Variants in TFAM observed in about 807,000 individuals in gnomAD.
TFAM encodes transcription factor A, mitochondrial.
A neutral mutation model predicts 30.6 loss-of-function variants in TFAM; 13 were observed. That is an observed-to-expected ratio of 0.42 (90% CI 0.28 to 0.67). The LOEUF (loss-of-function observed/expected upper bound fraction) is 0.67. Among genes scored for constraint, TFAM ranks in the 30% least tolerant of loss-of-function variants. The pLI, the probability that TFAM is intolerant of heterozygous loss-of-function variation, is 0.21. For synonymous variants in TFAM, 106 were observed against 94.8 expected, an observed-to-expected ratio of 1.12 and a Z score of -0.69; for missense variants, 231 against 293.7, an observed-to-expected ratio of 0.79 and a Z score of 1.56.
At position 58,390,763 on chromosome 10, in the gene TFAM, A is replaced by G; in HGVS notation, c.442-2A>G. The G allele has an allele frequency of 6.2e-7, 1 of 1,611,324 alleles. No individual in the cohort carries two copies. The highest frequency in any genetic ancestry group is 8.5e-7 in the Non-Finnish European group (1 of 1,179,098). ...TTTGACCCTCCAATTTTTTTAATTCAGGAGTTAACACTGCTTGGAAAACCA... is the reference window on the plus strand; with the variant it reads ...TTTGACCCTCCAATTTTTTTAATTCGGGAGTTAACACTGCTTGGAAAACCA... On this transcript the variant is annotated splice_acceptor_variant, in intron 4 of 6. Coordinates refer to ENST00000487519, the MANE Select transcript of TFAM (RefSeq NM_003201.3). LOFTEE classifies it high-confidence loss of function.
intron 1 of TFAM, 92 bp downstream of exon 1, chr10:58,385,740 T>A: frequency 9.8e-7 from 1 of 1,018,554 alleles, no homozygotes; most frequent in Admixed American, 2.0e-5. Flanking sequence ...CTGCCCCTCC[T>A]AGGAGTTCAG....
At chr10:58,394,902 A>G in intron 6 of TFAM, 26 bp from the exon 7 acceptor site, 1 of 1,599,874 alleles carries the variant, frequency 6.3e-7, no homozygotes. Context: ...TAAGTAAATC[A>G]TTTTAACAGT....
chr10:58,391,800 G>C (rs1840603536), intron 5 of TFAM, among the ~76,000 whole-genome samples: 1 of 151,446 alleles, frequency 6.6e-6, no homozygotes, highest in Non-Finnish European at 1.5e-5. Context: ...AGTTACTTTT[G>C]CACCAACCTA....
chr10:58,388,634 A>G (rs373282082), intron 3 of TFAM, 36 bp from the exon 4 acceptor site: 9 of 1,611,176 alleles, frequency 5.6e-6, no homozygotes, highest in Non-Finnish European at 7.6e-6. Context: ...TTTGCCAGCA[A>G]TGGTTTGTTG....
rs1464167202 is a variant in TFAM at position 58,385,461 on chromosome 10, C to T, written c.-87C>T. 3 of 1,004,586 alleles carry T rather than the reference C, an allele frequency of 3.0e-6. No homozygotes were observed. The highest frequency in any genetic ancestry group is 4.6e-6 in the Non-Finnish European group (3 of 653,046). 62.2% of individuals were successfully genotyped at this position (1,004,586 alleles called of 1,614,324 possible). A position where few individuals can be genotyped will look rare whatever the true frequency, so the allele number is the denominator to read the frequency against. On this transcript the variant is annotated 5_prime_UTR_variant, in exon 1 of 7. Transcript: ENST00000487519. ...ATAACACACGCCGGAGGGTCGCACG[C>T]GGGTTCCAGTTGTGATTGCTGGAGT...
chr10:58,392,545 A>C (rs573522405), intron 5 of TFAM, among the ~76,000 whole-genome samples: 5 of 151,538 alleles, frequency 3.3e-5, no homozygotes, highest in African/African-American at 1.2e-4. Context: ...TGCTGGATAC[A>C]TTTTAACTTA....
At chr10:58,388,555 C>T in intron 3 of TFAM, 115 bp from the exon 4 acceptor site, 11 of 1,133,810 alleles carry the variant, frequency 9.7e-6, no homozygotes, top group Non-Finnish European at 1.5e-5. Flanking sequence ...AGCACATTTT[C>T]CACCTGGTGA....
In TFAM at chr10:58,397,477, A is replaced by C. The variant is rs1358585477; in HGVS notation, c.*2403A>C. ...AAAAGAGCAAAACTATTTTATGGTA[A>C]TTTTATGGTAGTATCAGCTTGTATT... is the stretch of plus-strand genomic sequence containing the variant. On this transcript the variant is annotated 3_prime_UTR_variant, in exon 7 of 7. Transcript: ENST00000487519. The C allele has an allele frequency of 6.6e-6, 1 of 152,130 alleles. No individual in the cohort carries two copies. The highest frequency in any genetic ancestry group is 6.5e-5 in the Admixed American group (1 of 15,274). The allele number at this position is 152,130 out of a possible 1,614,324, so 9.4% of individuals were successfully genotyped here.
At chr10:58,393,719 C>G (rs1229488884) in intron 5 of TFAM, among the ~76,000 whole-genome samples, 2 of 151,946 alleles carry the variant, frequency 1.3e-5, no homozygotes, top group African/African-American at 4.8e-5. Context: ...AAGACCCCAT[C>G]TTTACAAAAA....
chr10:58,394,162 CAA>C (rs1297616314), intron 5 of TFAM, among the ~76,000 whole-genome samples, 194 bp from the exon 6 acceptor site: 2 of 152,096 alleles, frequency 1.3e-5, no homozygotes, highest in African/African-American at 4.8e-5. Flanking sequence ...ATTTCCGAAT[CAA>C]AAATATGTAC....
At chr10:58,390,932 A>G (rs1255513812) in intron 5 of TFAM, 72 bp downstream of exon 5, 2 of 1,329,518 alleles carry the variant, frequency 1.5e-6, no homozygotes, top group Non-Finnish European at 2.1e-6. Flanking sequence ...GCCATGTGTC[A>G]GGTAGTGAAG....
rs1840713727 is a variant in TFAM, at chr10:58,397,786, T to C, written c.*2712T>C. On this transcript the variant is annotated 3_prime_UTR_variant, in exon 7 of 7. Coordinates refer to ENST00000487519, the MANE Select transcript of TFAM (RefSeq NM_003201.3). ...GTGTGTGTGTGTGCACGTGTGTGTG[T>C]TAGAGTCTCATTATATTGCTCAGGC... The C allele has an allele frequency of 6.6e-6, 1 of 152,084 alleles. No individual in the cohort carries two copies. The highest frequency in any genetic ancestry group is 6.6e-5 in the Admixed American group (1 of 15,246). The allele number at this position is 152,084 out of a possible 1,614,324, so 9.4% of individuals were successfully genotyped here.
chr10:58,386,568 G>A (rs1840494961), intron 2 of TFAM: 3 of 844,268 alleles, frequency 3.6e-6, no homozygotes, highest in Non-Finnish European at 5.0e-6. Context: ...AAGCACCCTA[G>A]GAAGAGGATA....
chr10:58,388,249 T>A lies in TFAM; in HGVS notation c.280T>A (p.Ser94Thr). The A allele has an allele frequency of 6.2e-7, 1 of 1,613,918 alleles. No individual in the cohort carries two copies. Among genetic ancestry groups the A allele is most frequent in the African/African-American group, 1.3e-5 (1 of 75,032 alleles). ...IAQRWRELPD[S>T]KKKIYQDAYR... Reference sequence around the variant, plus strand: ...CCAGCGTTGGAGGGAACTTCCTGATTCAAAGAAAAAAGTAAGCACATAAGT... The same window carrying A: ...CCAGCGTTGGAGGGAACTTCCTGATACAAAGAAAAAAGTAAGCACATAAGT... The change falls in exon 3 of 7, where the codon TCA (serine) becomes ACA (threonine). Residue 94 changes from serine (S) to threonine (T), a missense_variant. Transcript: ENST00000487519.
At chr10:58,394,179 A>C (rs1403603522) in intron 5 of TFAM, among the ~76,000 whole-genome samples, 179 bp from the exon 6 acceptor site, 1 of 152,226 alleles carries the variant, frequency 6.6e-6, no homozygotes, top group Non-Finnish European at 1.5e-5. Context: ...ATGTACCTTC[A>C]TTCAGTTCAT....
In TFAM at chr10:58,395,465, G is replaced by A. The variant is rs886322852; in HGVS notation, c.*391G>A. 3 of 293,578 alleles carry A rather than the reference G, an allele frequency of 1.0e-5. No homozygotes were observed. Among genetic ancestry groups the A allele is most frequent in the East Asian group, 7.9e-5 (1 of 12,718 alleles). The allele number at this position is 293,578 out of a possible 1,614,324, so 18.2% of individuals were successfully genotyped here. ...AATTGTTACAAATTGTAGAAGCCAC[G>A]GTGTTCTGTGATATAAGTGTGTGTT... On this transcript the variant is annotated 3_prime_UTR_variant, in exon 7 of 7. Coordinates refer to ENST00000487519, the MANE Select transcript of TFAM (RefSeq NM_003201.3).
intron 5 of TFAM, 134 bp from the exon 6 acceptor site, chr10:58,394,224 T>C: frequency 4.2e-6 from 3 of 716,586 alleles, no homozygotes; most frequent in South Asian, 3.1e-5. Flanking sequence ...AGTTTTTGTT[T>C]AGAGAGAAAA....
chr10:58,387,026 G>A (rs947027959), intron 2 of TFAM, among the ~76,000 whole-genome samples: 4 of 152,152 alleles, frequency 2.6e-5, no homozygotes, highest in Non-Finnish European at 5.9e-5. Context: ...CACTTCGGGA[G>A]GTCGAGATGG....
rs1840659333 is a variant in TFAM at position 58,395,096 on chromosome 10, T to G, written c.*22T>G. The G allele has an allele frequency of 6.2e-7, 1 of 1,612,036 alleles. No individual in the cohort carries two copies. Among genetic ancestry groups the G allele is most frequent in the Admixed American group, 1.7e-5 (1 of 59,962 alleles). Reference sequence around the variant, plus strand: ...TTAAAAGTAGAAGATTGAGATGTGTTCACAATGGATAGGCACAGGAAACCA... The same window carrying G: ...TTAAAAGTAGAAGATTGAGATGTGTGCACAATGGATAGGCACAGGAAACCA... On this transcript the variant is annotated 3_prime_UTR_variant, in exon 7 of 7. Coordinates refer to ENST00000487519, the MANE Select transcript of TFAM (RefSeq NM_003201.3).
Sources: gnomAD v4.1 joint callset for allele counts (sites outside exome capture counted in the v4.1 genomes callset) on GRCh38, gnomAD v4.1.1 for gene constraint, MANE v1.5 for transcripts, NCBI Gene and HGNC (gene_info 2026-07-23, HGNC 2026-07-21) for gene names.